The following SCN2A variants were observed in gnomAD, a reference collection of about 807,000 sequenced individuals.
The protein encoded by SCN2A is sodium voltage-gated channel alpha subunit 2, also known as sodium channel protein type 2 subunit alpha.
In SCN2A, 20 loss-of-function variants were observed where a neutral mutation model predicts 188.7. That is an observed-to-expected ratio of 0.11 (90% CI 0.07 to 0.15). The LOEUF (loss-of-function observed/expected upper bound fraction) is 0.15, where lower values mean the gene tolerates loss of function less well. Among genes scored for constraint, SCN2A ranks in the 10% least tolerant of loss-of-function variants. The pLI is 1.00. For missense variants in SCN2A, 1,278 were observed against 2,445.0 expected, an observed-to-expected ratio of 0.52 and a Z score of 10.07; for synonymous variants, 804 against 833.1, an observed-to-expected ratio of 0.97 and a Z score of 0.60.
At chr2:165,337,245 G>T (rs1223970757) in intron 14 of SCN2A, among the ~76,000 whole-genome samples, 4 of 152,008 alleles carry the variant, frequency 2.6e-5, no homozygotes, top group African/African-American at 9.7e-5. Flanking sequence ...TTAACTTGGA[G>T]CACATTAATA....
chr2:165,240,022 A>C (rs1162090054), intron 1 of SCN2A: 1 of 152,210 alleles, frequency 6.6e-6, no homozygotes, highest in African/African-American at 2.4e-5. Flanking sequence ...GCCAAAGCTC[A>C]GGGCTGAGCC....
intron 15 of SCN2A, among the ~76,000 whole-genome samples, chr2:165,344,354 G>T (rs1699458212): frequency 6.6e-6 from 1 of 151,684 alleles, no homozygotes; most frequent in Non-Finnish European, 1.5e-5. Context: ...CTGTACATTT[G>T]CCCTGTTAAT....
chr2:165,283,113 T>A (rs1160726044), intron 1 of SCN2A, among the ~76,000 whole-genome samples: 1 of 151,610 alleles, frequency 6.6e-6, no homozygotes, highest in East Asian at 1.9e-4. Flanking sequence ...AGATCATAAA[T>A]TAAAGGAAAG....
rs1698177796 is a variant in SCN2A, at chr2:165,323,491, C to T, written c.2007C>T (p.Leu669=). 6.2e-7 allele frequency: 1 copy of T among 1,612,144 alleles called. No homozygotes were observed. Among genetic ancestry groups the T allele is most frequent in the Non-Finnish European group, 8.5e-7 (1 of 1,179,124 alleles). Residue 669 remains leucine, a synonymous_variant, in exon 12 of 27, where the codon CTC becomes CTT. Transcript: ENST00000375437. The stretch of plus-strand genomic sequence containing the variant: ...CTACCCTCACATCTGCTGGGCAGCT[C>T]CTACCAGAGGTGAGGCCAATTAAAA... ...GPSTLTSAGQ[L]LPEGTTTETE... is the part of the protein sequence containing the mutation.
intron 12 of SCN2A, among the ~76,000 whole-genome samples, chr2:165,324,772 C>T (rs1698263441): frequency 6.6e-6 from 1 of 152,068 alleles, no homozygotes; most frequent in Non-Finnish European, 1.5e-5. Context: ...AAGATTTGAC[C>T]CCAGGTATGC....
In SCN2A at chr2:165,389,945, T is replaced by C; in HGVS notation, c.*121T>C. 6.7e-7 allele frequency: 1 copy of C among 1,486,726 alleles called. No individual in the cohort carries two copies. Among genetic ancestry groups the C allele is most frequent in the South Asian group, 1.3e-5 (1 of 76,092 alleles). The allele number at this position is 1,486,726 out of a possible 1,614,324, so 92.1% of individuals were successfully genotyped here. A position where few individuals can be genotyped will look rare whatever the true frequency, so the allele number is the denominator to read the frequency against. ...CAAACTGACTGTTTTTACAAATGTA[T>C]ACTTAAGGTCAGTGCCTATAACAAG... is the stretch of plus-strand genomic sequence containing the variant. On this transcript the variant is annotated 3_prime_UTR_variant, in exon 27 of 27. Coordinates refer to ENST00000375437, the MANE Select transcript of SCN2A (RefSeq NM_001040142.2). The surrounding 1 kb of genome is among the most constrained non-coding windows in gnomAD (Gnocchi z 4.2).
At chr2:165,277,719 T>C (rs762766298) in intron 1 of SCN2A, among the ~76,000 whole-genome samples, 1 of 152,238 alleles carries the variant, frequency 6.6e-6, no homozygotes, top group African/African-American at 2.4e-5. Context: ...TTTAATTTAC[T>C]TCAACATATT....
chr2:165,310,534 T>C lies in SCN2A; in HGVS notation c.909T>C (p.Asn303=), dbSNP rs756068683. 4.3e-6 allele frequency: 7 copies of C among 1,613,124 alleles called. No homozygotes were observed. The highest frequency in any genetic ancestry group is 5.1e-6 in the Non-Finnish European group (6 of 1,179,302). ...TSFFNNSLDG[N]GTTFNRTVSI... ...TCTTTAACAATTCATTGGATGGGAA[T>C]GGTACTACTTTCAATAGGACAGTGA... The change falls in exon 7 of 27, where the codon AAT becomes AAC. Residue 303 remains asparagine, a synonymous_variant. Transcript: ENST00000375437.
At chr2:165,354,819 A>G in intron 17 of SCN2A, 148 bp downstream of exon 17, 1 of 767,038 alleles carries the variant, frequency 1.3e-6, no homozygotes, top group Non-Finnish European at 2.0e-6. Context: ...AAAGTTGGTA[A>G]TAAATAAATT....
Position 165,388,967 on chromosome 2 carries a change from G to A in SCN2A, c.5161G>A (p.Ala1721Thr), listed in dbSNP as rs1403666741. 6.2e-7 allele frequency: 1 copy of A among 1,613,988 alleles called. No homozygotes were observed. Among genetic ancestry groups the A allele is most frequent in the East Asian group, 2.2e-5 (1 of 44,880 alleles). Residue 1721 changes from alanine to threonine, a missense_variant, in exon 27 of 27, where the codon GCA becomes ACA. This residue lies in a region of SCN2A where 47 missense variants were observed against 109.0 expected (regional missense o/e 0.43). Coordinates refer to ENST00000375437, the MANE Select transcript of SCN2A (RefSeq NM_001040142.2). The stretch of plus-strand genomic sequence containing the variant: ...CTCTGCTGGCTGGGATGGATTGCTA[G>A]CACCTATTCTTAATAGTGGACCTCC... ...TTSAGWDGLL[A>T]PILNSGPPDC...
chr2:165,346,587 A>G (rs57755867), intron 16 of SCN2A, among the ~76,000 whole-genome samples: 21,666 of 152,198 alleles, frequency 0.14, 1,589 homozygotes, highest in Non-Finnish European at 0.15. Flanking sequence ...AATGGTAACA[A>G]AAGCCAAAAT....
chr2:165,249,899 C>T (rs1694012697), intron 1 of SCN2A, among the ~76,000 whole-genome samples: 1 of 151,982 alleles, frequency 6.6e-6, no homozygotes, highest in African/African-American at 2.4e-5. Context: ...TATTTCTGCC[C>T]TCCATAGATT....
In SCN2A at chr2:165,323,341, A is replaced by G. The variant is rs868851067; in HGVS notation, c.1857A>G (p.Glu619=). 1.2e-6 allele frequency: 2 copies of G among 1,614,192 alleles called. No homozygotes were observed. Among genetic ancestry groups the G allele is most frequent in the South Asian group, 1.1e-5 (1 of 91,090 alleles). The change falls in exon 12 of 27, where the codon GAA becomes GAG. Residue 619 remains glutamate, a synonymous_variant. Transcript: ENST00000375437. ...TGTTCGTGCCGCACAGACATGGAGA[A>G]CGGCGCCACAGCAATGTCAGCCAGG... ...DSLFVPHRHG[E]RRHSNVSQAS...
At chr2:165,373,432 A>G (rs1701147027) in intron 21 of SCN2A, 85 bp downstream of exon 21, 1 of 1,476,018 alleles carries the variant, frequency 6.8e-7, no homozygotes. Context: ...AAATTTATGG[A>G]GAATTTGTGT....
chr2:165,240,505 T>C (rs1188382073), intron 1 of SCN2A, among the ~76,000 whole-genome samples: 3 of 152,204 alleles, frequency 2.0e-5, no homozygotes, highest in Non-Finnish European at 4.4e-5. Context: ...GCTTGATTAT[T>C]ATTAGAATAA....
chr2:165,311,427 A>G (rs1055574968), intron 7 of SCN2A, among the ~76,000 whole-genome samples: 1 of 152,148 alleles, frequency 6.6e-6, no homozygotes, highest in African/African-American at 2.4e-5. Context: ...AGATATACTC[A>G]GACAACATAT....
chr2:165,278,764 C>A (rs1464349123), intron 1 of SCN2A, among the ~76,000 whole-genome samples: 1 of 152,092 alleles, frequency 6.6e-6, no homozygotes, highest in Non-Finnish European at 1.5e-5. Context: ...AACCCCATCT[C>A]TACAAAATGT....
In SCN2A at chr2:165,295,908, A is replaced by T; in HGVS notation, c.85A>T (p.Ile29Phe). ...RESLAAIEQR[I>F]AEEKAKRPKQ... ...ATCCCTTGCTGCTATTGAACAACGC[A>T]TTGCAGAAGAGAAAGCTAAGAGACC... The change falls in exon 2 of 27, where the codon ATT (isoleucine) becomes TTT (phenylalanine). Residue 29 changes from isoleucine (I) to phenylalanine (F), a missense_variant. Ile to Phe is a conservative substitution (Grantham distance 21). This residue lies in a region of SCN2A where 141 missense variants were observed against 185.4 expected (regional missense o/e 0.76). Coordinates refer to ENST00000375437, the MANE Select transcript of SCN2A (RefSeq NM_001040142.2). 6.2e-7 allele frequency: 1 copy of T among 1,614,146 alleles called. No homozygotes were observed. Among genetic ancestry groups the T allele is most frequent in the Non-Finnish European group, 8.5e-7 (1 of 1,180,026 alleles).
Position 165,388,617 on chromosome 2 carries a change from G to A in SCN2A, c.4823-12G>A. The A allele has an allele frequency of 1.2e-6, 2 of 1,613,580 alleles. No homozygotes were observed. Among genetic ancestry groups the A allele is most frequent in the Non-Finnish European group, 1.7e-6 (2 of 1,179,726 alleles). ...TATAACAATATTTTTGTTATTTGTT[G>A]ATTTTCTACAGGAATGTTTCTGGCT... On this transcript the variant is annotated splice_polypyrimidine_tract_variant and intron_variant, in intron 26 of 26. Coordinates refer to ENST00000375437, the MANE Select transcript of SCN2A (RefSeq NM_001040142.2).
Sources: gnomAD v4.1 joint callset for allele counts (sites outside exome capture counted in the v4.1 genomes callset) on GRCh38, gnomAD v4.1.1 for gene constraint, gnomAD v4.1.1 regional missense constraint, Gnocchi (gnomAD v3.1) non-coding constraint, MANE v1.5 for transcripts, NCBI Gene and HGNC (gene_info 2026-07-23, HGNC 2026-07-21) for gene names.